BABAM2: variants seen among roughly 807,000 people sequenced by gnomAD.
BABAM2 encodes the protein BRISC and BRCA1-A complex member 2.
In BABAM2, 31 loss-of-function variants were observed where a neutral mutation model predicts 54.7. The observed-to-expected ratio is 0.57, with a 90% CI of 0.43 to 0.77. BABAM2 has a LOEUF of 0.77. Among genes scored for constraint, BABAM2 ranks in the 30% least tolerant of loss-of-function variants. The probability of loss-of-function intolerance (pLI) is 0.00; values close to 1 mark genes in which losing one functional copy is unlikely to be tolerated. For missense variants in BABAM2, 364 were observed against 455.8 expected (o/e 0.80, Z 1.83); for synonymous variants, 167 against 162.9 (o/e 1.03, Z -0.19).
At chr2:27,905,551 ATAT>A (rs1179139233) in intron 2 of BABAM2, among the ~76,000 whole-genome samples, 2 of 152,066 alleles carry the variant, frequency 1.3e-5, no homozygotes, top group East Asian at 1.9e-4. Context: ...ATGGTGGGTG[ATAT>A]TATTGTATGT....
At chr2:28,233,117 G>C (rs764724659) in intron 7 of BABAM2, 1 of 450,106 alleles carries the variant, frequency 2.2e-6, no homozygotes, top group South Asian at 1.6e-5. Flanking sequence ...CATCAGAACA[G>C]CCCTATCACC....
chr2:28,275,955 A>G (rs972882043), intron 10 of BABAM2, among the ~76,000 whole-genome samples: 2 of 151,932 alleles, frequency 1.3e-5, no homozygotes, highest in African/African-American at 4.8e-5. Flanking sequence ...TATGTTTTTT[A>G]AAACATTTGC....
intron 4 of BABAM2, among the ~76,000 whole-genome samples, chr2:28,024,304 A>G (rs1035922305): frequency 3.9e-5 from 6 of 151,912 alleles, no homozygotes; most frequent in Non-Finnish European, 8.8e-5. Context: ...TACTCGGGAG[A>G]CTGAGGCAAG....
In BABAM2 at chr2:28,278,694, G is replaced by A. The variant is rs575802655; in HGVS notation, c.935-19644G>A. 1.6e-3 allele frequency among the ~76,000 whole-genome samples: 238 copies of A among 152,316 alleles called. 1 individual carries two copies. Among genetic ancestry groups the A allele is most frequent in the African/African-American group, 5.5e-3 (229 of 41,566 alleles). The stretch of plus-strand genomic sequence containing the variant: ...TTCCCACAGGATGAATCTGTGATAT[G>A]AGGGGACTGAAAACAGATCTGGGAA... On this transcript the variant is annotated intron_variant, in intron 10 of 11. Transcript: ENST00000379624.
chr2:28,229,589 CTT>C (rs5830065), intron 7 of BABAM2, among the ~76,000 whole-genome samples: 161 of 133,052 alleles, frequency 1.2e-3, no homozygotes, highest in Non-Finnish European at 1.2e-3. Context: ...TTCTTTTTTT[CTT>C]TTTTTTTTTT....
At chr2:28,001,413 T>C (rs149803747) in intron 4 of BABAM2, among the ~76,000 whole-genome samples, 1 of 152,320 alleles carries the variant, frequency 6.6e-6, no homozygotes, top group East Asian at 1.9e-4. Flanking sequence ...CACAGTTTCT[T>C]CAATACCTGT....
At chr2:28,122,292 T>C (rs1164666918) in intron 6 of BABAM2, among the ~76,000 whole-genome samples, 1 of 152,156 alleles carries the variant, frequency 6.6e-6, no homozygotes, top group Non-Finnish European at 1.5e-5. Context: ...ATTCTGAGTC[T>C]AGCTTAATAC....
intron 6 of BABAM2, among the ~76,000 whole-genome samples, chr2:28,110,168 G>A (rs530903506): frequency 1.2e-4 from 19 of 152,130 alleles, no homozygotes; most frequent in African/African-American, 4.1e-4. Flanking sequence ...TAATGTCCTC[G>A]AGGTTCATCC....
At chr2:28,171,396 C>T (rs756228131) in intron 7 of BABAM2, among the ~76,000 whole-genome samples, 1 of 152,148 alleles carries the variant, frequency 6.6e-6, no homozygotes, top group Admixed American at 6.5e-5. Context: ...GATCTACTTT[C>T]AGGAATGGTT....
At chr2:28,233,795 T>C (rs1431557043) in intron 7 of BABAM2, among the ~76,000 whole-genome samples, 1 of 152,202 alleles carries the variant, frequency 6.6e-6, no homozygotes. Flanking sequence ...GAGTGTCTGG[T>C]CCATCACATT....
chr2:28,047,772 T>C (rs1677701843), intron 6 of BABAM2, among the ~76,000 whole-genome samples: 1 of 152,156 alleles, frequency 6.6e-6, no homozygotes, highest in African/African-American at 2.4e-5. Context: ...CTAATGTCCT[T>C]CTGGATCTTT....
chr2:28,249,582 A>G (rs1436695286), intron 10 of BABAM2, among the ~76,000 whole-genome samples: 1 of 152,226 alleles, frequency 6.6e-6, no homozygotes, highest in African/African-American at 2.4e-5. Context: ...TTTTTAAAAC[A>G]AATATTTTAT....
chr2:28,248,207 C>CTTTTTCTTTCT lies in BABAM2; in HGVS notation c.934+3350_934+3351insCTTTCTTTTTT, dbSNP rs1553349503. On this transcript the variant is annotated intron_variant, in intron 10 of 11. Transcript: ENST00000379624. ...AGTAGCTTTTGTTTATTTTCTTTTT[C>CTTTTTCTTTCT]TTTTTTTTTTTTTTTTTTTGAGACG... 7.4e-5 allele frequency among the ~76,000 whole-genome samples: 4 copies of CTTTTTCTTTCT among 54,316 alleles called. No individual in the cohort carries two copies. The South Asian group carries it at 1.8e-3, about 25-fold the overall frequency. The allele number at this position is 54,316 out of a possible 152,430, so 35.6% of individuals were successfully genotyped here.
chr2:28,261,066 C>G (rs1684465174), intron 10 of BABAM2, among the ~76,000 whole-genome samples: 2 of 150,474 alleles, frequency 1.3e-5, no homozygotes, highest in Non-Finnish European at 3.0e-5. Flanking sequence ...CTCAGCCTCC[C>G]AAATACCTGG....
rs986149181 is a variant in BABAM2, at chr2:28,025,240, G to T, written c.315G>T (p.Trp105Cys). 1 of 1,590,092 alleles carries T rather than the reference G, an allele frequency of 6.3e-7. No homozygotes were observed. Among genetic ancestry groups the T allele is most frequent in the African/African-American group, 1.4e-5 (1 of 73,346 alleles). Residue 105 changes from tryptophan to cysteine, a missense_variant, in exon 5 of 12, where the codon TGG becomes TGT. Coordinates refer to ENST00000379624, the MANE Select transcript of BABAM2 (RefSeq NM_199191.3). ...GACTTCTACAGAATCTTGCCTCCTGGAATCCTTCAAATCCTGAATGTCTCT... is the reference window on the plus strand; with the variant it reads ...GACTTCTACAGAATCTTGCCTCCTGTAATCCTTCAAATCCTGAATGTCTCT... ...DPSALQNLAS[W>C]NPSNPECLLL...
chr2:28,260,387 T>G (rs907721926), intron 10 of BABAM2, among the ~76,000 whole-genome samples: 1 of 147,812 alleles, frequency 6.8e-6, no homozygotes, highest in Non-Finnish European at 1.5e-5. Context: ...CTGCAACCTC[T>G]GCCTCCCGGG....
At chr2:28,042,355 A>G (rs1444700714) in intron 5 of BABAM2, among the ~76,000 whole-genome samples, 1 of 152,230 alleles carries the variant, frequency 6.6e-6, no homozygotes, top group East Asian at 1.9e-4. Flanking sequence ...ATGTAAATAA[A>G]GAAAAGGGTC....
chr2:28,129,228 A>G (rs770173007), intron 6 of BABAM2, 43 bp from the exon 7 acceptor site: 96 of 1,520,048 alleles, frequency 6.3e-5, no homozygotes, highest in Non-Finnish European at 1.2e-5. Flanking sequence ...ATAAGATGTT[A>G]GGAGAACAGG....
chr2:28,280,180 T>C (rs6547839), intron 10 of BABAM2, among the ~76,000 whole-genome samples: 13,032 of 151,816 alleles, frequency 0.086, 708 homozygotes, highest in African/African-American at 0.15. Flanking sequence ...CATCTCAGCC[T>C]CTCAAGCAGC....
Sources: allele counts gnomAD v4.1 joint callset (sites outside exome capture counted in the v4.1 genomes callset), GRCh38; gene constraint gnomAD v4.1.1; transcripts MANE v1.5; gene names NCBI Gene and HGNC (gene_info 2026-07-23, HGNC 2026-07-21).